TSKS: variants seen among roughly 807,000 people sequenced by gnomAD.
The protein encoded by TSKS is testis-specific serine kinase substrate.
A neutral mutation model predicts 68.0 loss-of-function variants in TSKS; 27 were observed. The ratio of observed to expected loss-of-function variants is 0.40; its 90% CI spans 0.29 to 0.55. The LOEUF (loss-of-function observed/expected upper bound fraction) is 0.55, where lower values mean the gene tolerates loss of function less well. TSKS is among the 20% of genes least tolerant of loss of function. The pLI is 0.53. For missense variants in TSKS, 806 were observed against 776.0 expected, an observed-to-expected ratio of 1.04 and a Z score of -0.46; for synonymous variants, 331 against 340.4, an observed-to-expected ratio of 0.97 and a Z score of 0.30.
rs767584223 is a variant in TSKS, at chr19:49,763,257, G to A, written c.-10C>T. 4.0e-6 allele frequency: 6 copies of A among 1,481,992 alleles called. No homozygotes were observed. Among genetic ancestry groups the A allele is most frequent in the Non-Finnish European group, 4.5e-6 (5 of 1,118,354 alleles). The allele number at this position is 1,481,992 out of a possible 1,614,324, so 91.8% of individuals were successfully genotyped here. On this transcript the variant is annotated 5_prime_UTR_variant, in exon 1 of 11. Transcript: ENST00000246801. This position sits in a 1 kb window ranked among gnomAD's most constrained non-coding sequence, Gnocchi z 4.5. The stretch of plus-strand genomic sequence containing the variant: ...CCACCACGCTCGCCATGGTGTGGGG[G>A]TCTGGCTCCCAGGGAGGGGCTCCTT...
intron 9 of TSKS, among the ~76,000 whole-genome samples, chr19:49,741,569 A>G (rs536819512): frequency 2.0e-5 from 3 of 152,154 alleles, no homozygotes; most frequent in Non-Finnish European, 4.4e-5. Flanking sequence ...AGAGAAAATC[A>G]GGCCTATGTT....
chr19:49,760,981 G>C (rs1401945534), intron 2 of TSKS, among the ~76,000 whole-genome samples: 1 of 151,988 alleles, frequency 6.6e-6, no homozygotes, highest in East Asian at 1.9e-4. Flanking sequence ...CCAGCTACTC[G>C]GGAGGCTGAG....
intron 2 of TSKS, among the ~76,000 whole-genome samples, chr19:49,750,387 T>G (rs1343050885): frequency 6.6e-6 from 1 of 151,720 alleles, no homozygotes; most frequent in Admixed American, 6.6e-5. Flanking sequence ...GCCTCCCGAA[T>G]AGCTGGGACT....
intron 2 of TSKS, among the ~76,000 whole-genome samples, chr19:49,758,519 C>T (rs2084411895): frequency 6.6e-6 from 1 of 152,216 alleles, no homozygotes; most frequent in African/African-American, 2.4e-5. Flanking sequence ...AGGCAAACGG[C>T]TGCAAGTGCT....
intron 2 of TSKS, among the ~76,000 whole-genome samples, chr19:49,754,881 C>T (rs1425288539): frequency 1.3e-5 from 2 of 152,172 alleles, no homozygotes; most frequent in East Asian, 1.9e-4. Flanking sequence ...AGGCGGATCA[C>T]GAGGTCAAGA....
At chr19:49,745,678 C>T (rs2084292641) in intron 6 of TSKS, among the ~76,000 whole-genome samples, 1 of 152,160 alleles carries the variant, frequency 6.6e-6, no homozygotes, top group Non-Finnish European at 1.5e-5. Context: ...ACACTGGCCC[C>T]CCAAGGCACT....
chr19:49,742,281 T>TCTGCC (rs2084258813), intron 8 of TSKS, among the ~76,000 whole-genome samples: 1 of 152,014 alleles, frequency 6.6e-6, no homozygotes, highest in Non-Finnish European at 1.5e-5. Flanking sequence ...CACTGCAACC[T>TCTGCC]TCACCTACCG....
intron 8 of TSKS, 58 bp downstream of exon 8, chr19:49,744,173 C>T (rs547554407): frequency 1.2e-5 from 19 of 1,555,358 alleles, no homozygotes; most frequent in African/African-American, 1.2e-4. Context: ...CATCTCCTTC[C>T]GCATCTCCTT....
At chr19:49,754,459 G>A (rs971021606) in intron 2 of TSKS, among the ~76,000 whole-genome samples, 5 of 151,316 alleles carry the variant, frequency 3.3e-5, no homozygotes, top group African/African-American at 9.7e-5. Flanking sequence ...AGATCATGCC[G>A]CTGCACTCAA....
chr19:49,746,417 CCT>C lies in TSKS; in HGVS notation c.992+51_992+52del. ...CACCGCATCTCCTCGAGGCTCCACC[CCT>C]GAGTCCCCGCCGATCTCGTTTTCGA... On this transcript the variant is annotated intron_variant, in intron 6 of 10. Coordinates refer to ENST00000246801, the MANE Select transcript of TSKS (RefSeq NM_021733.2). The C allele has an allele frequency of 3.7e-6, 6 of 1,603,330 alleles. No individual in the cohort carries two copies. The South Asian group carries it at 4.5e-5, about 12-fold the overall frequency.
At chr19:49,760,827 G>A (rs948467971) in intron 2 of TSKS, among the ~76,000 whole-genome samples, 2 of 151,816 alleles carry the variant, frequency 1.3e-5, no homozygotes, top group African/African-American at 2.4e-5. Flanking sequence ...GGTGGCTCAC[G>A]CCTGTAATCT....
intron 5 of TSKS, chr19:49,747,048 G>A (rs574993079): frequency 6.0e-6 from 8 of 1,331,602 alleles, no homozygotes; most frequent in African/African-American, 5.9e-5. Context: ...CCCTCCAGGC[G>A]TCAAATACCA....
At chr19:49,748,235 G>T in intron 3 of TSKS, 67 bp from the exon 4 acceptor site, 1 of 1,588,802 alleles carries the variant, frequency 6.3e-7, no homozygotes. Context: ...AAGAAGATCT[G>T]GGCCTGGGAA....
intron 2 of TSKS, among the ~76,000 whole-genome samples, chr19:49,753,516 C>G (rs184043545): frequency 6.6e-6 from 1 of 150,844 alleles, no homozygotes; most frequent in Non-Finnish European, 1.5e-5. Context: ...GAGCCGAGAT[C>G]GCGCCATTGC....
intron 2 of TSKS, among the ~76,000 whole-genome samples, chr19:49,751,606 C>T (rs2084351217): frequency 6.6e-6 from 1 of 152,122 alleles, no homozygotes; most frequent in Non-Finnish European, 1.5e-5. Context: ...CATTCAAAGC[C>T]TCATAACCCA....
chr19:49,744,917 C>G (rs73064093), intron 7 of TSKS, among the ~76,000 whole-genome samples: 4,695 of 152,118 alleles, frequency 0.031, 95 homozygotes, highest in South Asian at 0.059. Context: ...GTTTGGAATG[C>G]CCCTCCTAGT....
intron 2 of TSKS, among the ~76,000 whole-genome samples, chr19:49,752,274 C>A (rs1389085957): frequency 2.7e-5 from 4 of 150,934 alleles, no homozygotes; most frequent in Non-Finnish European, 4.4e-5. Flanking sequence ...GTCCCAGCTA[C>A]TTGGGAGGCT....
At chr19:49,745,525 AC>A in intron 6 of TSKS, 129 bp from the exon 7 acceptor site, 1 of 690,224 alleles carries the variant, frequency 1.4e-6, no homozygotes. Flanking sequence ...CTCCAGACCC[AC>A]CCAGGTCACC....
intron 2 of TSKS, among the ~76,000 whole-genome samples, chr19:49,748,796 G>A (rs1019969327): frequency 1.3e-5 from 2 of 151,972 alleles, no homozygotes; most frequent in Non-Finnish European, 2.9e-5. Context: ...GCCAGGTGCC[G>A]TGGCTCACTC....
Sources: gnomAD v4.1 joint callset for allele counts (sites outside exome capture counted in the v4.1 genomes callset) on GRCh38, gnomAD v4.1.1 for gene constraint, Gnocchi (gnomAD v3.1) non-coding constraint, MANE v1.5 for transcripts, NCBI Gene and HGNC (gene_info 2026-07-23, HGNC 2026-07-21) for gene names.